Variants in SSTR4 observed in about 807,000 individuals in gnomAD.
SSTR4 encodes the protein somatostatin receptor 4.
For missense variants in SSTR4, 649 were observed against 540.6 expected (o/e 1.20, Z -1.99); for synonymous variants, 272 against 246.3 (o/e 1.10, Z -0.98).
At position 23,036,147 on chromosome 20, in the gene SSTR4, C is replaced by G; in HGVS notation, c.664C>G (p.Leu222Val). The change falls in exon 1 of 1, where the codon CTG (leucine) becomes GTG (valine). Residue 222 changes from leucine to valine, a missense_variant. Leu to Val is a conservative substitution (Grantham distance 32). Transcript: ENST00000255008. ...VVYTFLLGFL[L>V]PVLAIGLCYL... ...CTACACTTTCCTGCTGGGCTTCCTG[C>G]TGCCCGTGCTGGCCATTGGCCTGTG... 1 of 1,607,916 alleles carries G rather than the reference C, an allele frequency of 6.2e-7. No individual in the cohort carries two copies. The highest frequency in any genetic ancestry group is 1.1e-5 in the South Asian group (1 of 91,036).
chr20:23,035,619 G>A lies in SSTR4; in HGVS notation c.136G>A (p.Gly46Ser). Residue 46 changes from glycine to serine, a missense_variant, in exon 1 of 1, where the codon GGC becomes AGC. Coordinates refer to ENST00000255008, the MANE Select transcript of SSTR4 (RefSeq NM_001052.4). Reference sequence around the variant, plus strand: ...GGGGCCCGGGGACGCGCGGGCGGCGGGCATGGTCGCTATCCAGTGCATCTA... The same window carrying A: ...GGGGCCCGGGGACGCGCGGGCGGCGAGCATGGTCGCTATCCAGTGCATCTA... ...VAGPGDARAA[G>S]MVAIQCIYAL... The A allele has an allele frequency of 3.9e-6, 6 of 1,545,520 alleles. No homozygotes were observed. Among genetic ancestry groups the A allele is most frequent in the South Asian group, 1.3e-5 (1 of 79,116 alleles).
chr20:23,036,022 C>G lies in SSTR4; in HGVS notation c.539C>G (p.Pro180Arg). 1 of 1,591,976 alleles carries G rather than the reference C, an allele frequency of 6.3e-7. No individual in the cohort carries two copies. Among genetic ancestry groups the G allele is most frequent in the Middle Eastern group, 1.7e-4 (1 of 5,984 alleles). ...VWLASLLVTL[P>R]IAIFADTRPA... is the part of the protein sequence containing the mutation. Reference sequence around the variant, plus strand: ...CTGGCATCCCTGTTGGTCACTCTCCCCATCGCCATCTTCGCAGACACCAGA... The same window carrying G: ...CTGGCATCCCTGTTGGTCACTCTCCGCATCGCCATCTTCGCAGACACCAGA... The change falls in exon 1 of 1, where the codon CCC (proline) becomes CGC (arginine). Residue 180 changes from proline to arginine, a missense_variant. Pro to Arg is a moderately radical substitution (Grantham distance 103). Coordinates refer to ENST00000255008, the MANE Select transcript of SSTR4 (RefSeq NM_001052.4).
rs72547257 is a variant in SSTR4, at chr20:23,036,269, G to C, written c.786G>C (p.Leu262=). The change falls in exon 1 of 1, where the codon CTG becomes CTC. Residue 262 remains leucine (L), a synonymous_variant. Transcript: ENST00000255008. ...AGAAGAAAATCACCAGGCTGGTGCT[G>C]ATGGTCGTGGTCGTCTTTGTGCTCT... ...RSEKKITRLV[L]MVVVVFVLCW... 1 of 1,614,200 alleles carries C rather than the reference G, an allele frequency of 6.2e-7. No homozygotes were observed. The highest frequency in any genetic ancestry group is 8.5e-7 in the Non-Finnish European group (1 of 1,180,042).
At position 23,037,472 on chromosome 20, in the gene SSTR4, G is replaced by A. The variant is rs6106596; in HGVS notation, c.*822G>A. On this transcript the variant is annotated 3_prime_UTR_variant, in exon 1 of 1. Coordinates refer to ENST00000255008, the MANE Select transcript of SSTR4 (RefSeq NM_001052.4). Reference sequence around the variant, plus strand: ...GGTGAGTGAGAGAGGAGCCATGGGCGGGAAAAGCTGACCAGAGAGCAGCGA... The same window carrying A: ...GGTGAGTGAGAGAGGAGCCATGGGCAGGAAAAGCTGACCAGAGAGCAGCGA... 49,168 of 151,918 alleles carry A rather than the reference G, an allele frequency of 0.32. 8,209 individuals are homozygous for A. The highest frequency in any genetic ancestry group is 0.46 in the Middle Eastern group (136 of 294). 9.4% of individuals were successfully genotyped at this position (151,918 alleles called of 1,614,324 possible). A position where few individuals can be genotyped will look rare whatever the true frequency, so the allele number is the denominator to read the frequency against.
Position 23,036,059 on chromosome 20 carries a change from C to A in SSTR4, c.576C>A (p.Gly192=). ...TCGCAGACACCAGACCGGCTCGCGG[C>A]GGCCAGGCCGTGGCCTGCAACCTGC... The part of the protein sequence containing the change: ...AIFADTRPAR[G]GQAVACNLQW... Residue 192 remains glycine, a synonymous_variant, in exon 1 of 1, where the codon GGC becomes GGA. Transcript: ENST00000255008. 2.5e-6 allele frequency: 4 copies of A among 1,579,060 alleles called. No homozygotes were observed. The highest frequency in any genetic ancestry group is 3.4e-6 in the Non-Finnish European group (4 of 1,169,478).
chr20:23,035,925 G>T lies in SSTR4; in HGVS notation c.442G>T (p.Val148Leu). Residue 148 changes from valine to leucine, a missense_variant, in exon 1 of 1, where the codon GTG (valine) becomes TTG (leucine). Transcript: ENST00000255008. ...GCTCAGCGTGGACCGCTACGTGGCC[G>T]TGGTGCACCCTCTGCGCGCGGCGAC... ...TVLSVDRYVA[V>L]VHPLRAATYR... The T allele has an allele frequency of 6.2e-7, 1 of 1,612,824 alleles. No individual in the cohort carries two copies. Among genetic ancestry groups the T allele is most frequent in the Non-Finnish European group, 8.5e-7 (1 of 1,179,664 alleles).
chr20:23,038,071 AT>A lies in SSTR4; in HGVS notation c.*1422del, dbSNP rs1984374827. 6.6e-6 allele frequency among the ~76,000 whole-genome samples: 1 copy of A among 152,214 alleles called. No individual in the cohort carries two copies. Among genetic ancestry groups the A allele is most frequent in the South Asian group, 2.1e-4 (1 of 4,832 alleles). ...GAACCCTCTGATCCTGCAAACACAC[AT>A]GCACACACACAGAGACATCAACCAT... On this transcript the variant is annotated 3_prime_UTR_variant, in exon 1 of 1. Coordinates refer to ENST00000255008, the MANE Select transcript of SSTR4 (RefSeq NM_001052.4).
Position 23,035,884 on chromosome 20 carries a change from T to C in SSTR4, c.401T>C (p.Val134Ala). The C allele has an allele frequency of 6.2e-7, 1 of 1,612,762 alleles. No individual in the cohort carries two copies. The highest frequency in any genetic ancestry group is 8.5e-7 in the Non-Finnish European group (1 of 1,179,444). Residue 134 changes from valine to alanine, a missense_variant, in exon 1 of 1, where the codon GTC becomes GCC. Physicochemically the swap from Val to Ala is moderately conservative, Grantham distance 64. Coordinates refer to ENST00000255008, the MANE Select transcript of SSTR4 (RefSeq NM_001052.4). ...GACGGCCTCAACATGTTCACCAGCG[T>C]CTTCTGTCTCACCGTGCTCAGCGTG... is the stretch of plus-strand genomic sequence containing the variant. ...SVDGLNMFTS[V>A]FCLTVLSVDR...
At position 23,035,975 on chromosome 20, in the gene SSTR4, G is replaced by T; in HGVS notation, c.492G>T (p.Lys164Asn). ...CCTACCGGCGGCCCAGCGTGGCCAA[G>T]CTCATCAACCTGGGCGTGTGGCTGG... ...AATYRRPSVA[K>N]LINLGVWLAS... The change falls in exon 1 of 1, where the codon AAG becomes AAT. Residue 164 changes from lysine to asparagine, a missense_variant. Transcript: ENST00000255008. 1 of 1,606,038 alleles carries T rather than the reference G, an allele frequency of 6.2e-7. No individual in the cohort carries two copies.
chr20:23,036,274 T>C lies in SSTR4; in HGVS notation c.791T>C (p.Val264Ala), dbSNP rs564802499. ...AAAATCACCAGGCTGGTGCTGATGG[T>C]CGTGGTCGTCTTTGTGCTCTGCTGG... The part of the protein sequence containing the change: ...EKKITRLVLM[V>A]VVVFVLCWMP... Residue 264 changes from valine to alanine, a missense_variant, in exon 1 of 1, where the codon GTC (valine) becomes GCC (alanine). By Grantham distance (64) the Val-to-Ala change is moderately conservative. Transcript: ENST00000255008. 152 of 1,614,026 alleles carry C rather than the reference T, an allele frequency of 9.4e-5. No individual in the cohort carries two copies. Among genetic ancestry groups the C allele is most frequent in the Non-Finnish European group, 1.3e-4 (148 of 1,180,032 alleles).
rs1398339319 is a variant in SSTR4, at chr20:23,038,308, G to A, written c.*1658G>A. ...CCACCCAGGTTGATAGTAGTGAGGT[G>A]AGGGGTTCACAGCACTGGCAGTGGT... On this transcript the variant is annotated 3_prime_UTR_variant, in exon 1 of 1. Coordinates refer to ENST00000255008, the MANE Select transcript of SSTR4 (RefSeq NM_001052.4). 6.6e-6 allele frequency: 1 copy of A among 152,192 alleles called. No homozygotes were observed. Among genetic ancestry groups the A allele is most frequent in the East Asian group, 1.9e-4 (1 of 5,186 alleles). 9.4% of individuals were successfully genotyped at this position (152,192 alleles called of 1,614,324 possible).
rs750013126 is a variant in SSTR4, at chr20:23,035,602, G to A, written c.119G>A (p.Gly40Glu). 1.9e-6 allele frequency: 3 copies of A among 1,552,144 alleles called. No individual in the cohort carries two copies. The Admixed American group carries it at 6.0e-5, about 31-fold the overall frequency. ...AEAEEAVAGP[G>E]DARAAGMVAI... ...GCGGAGGAGGCGGTGGCGGGGCCCG[G>A]GGACGCGCGGGCGGCGGGCATGGTC... The change falls in exon 1 of 1, where the codon GGG becomes GAG. Residue 40 changes from glycine (G) to glutamate (E), a missense_variant. Gly to Glu is a moderately conservative substitution (Grantham distance 98, BLOSUM62 -2). Transcript: ENST00000255008.
At position 23,036,468 on chromosome 20, in the gene SSTR4, C is replaced by T. The variant is rs760189136; in HGVS notation, c.985C>T (p.Arg329Cys). ...ATTCTTCCAGCGGGTTCTCTGCCTG[C>T]GCTGCTGCCTCCTGGAAGGTGCTGG... is the stretch of plus-strand genomic sequence containing the variant. ...RRFFQRVLCL[R>C]CCLLEGAGGA... is the part of the protein sequence containing the mutation. The change falls in exon 1 of 1, where the codon CGC becomes TGC. Residue 329 changes from arginine (R) to cysteine (C), a missense_variant. Coordinates refer to ENST00000255008, the MANE Select transcript of SSTR4 (RefSeq NM_001052.4). The T allele has an allele frequency of 4.3e-6, 7 of 1,613,688 alleles. No homozygotes were observed. Among genetic ancestry groups the T allele is most frequent in the South Asian group, 1.1e-5 (1 of 91,014 alleles).
In SSTR4 at chr20:23,035,516, C is replaced by T. The variant is rs1984275638; in HGVS notation, c.33C>T (p.Gly11=). 2 of 1,570,176 alleles carry T rather than the reference C, an allele frequency of 1.3e-6. No homozygotes were observed. The highest frequency in any genetic ancestry group is 1.7e-6 in the Non-Finnish European group (2 of 1,163,644). Residue 11 remains glycine (G), a synonymous_variant, in exon 1 of 1, where the codon GGC becomes GGT. Coordinates refer to ENST00000255008, the MANE Select transcript of SSTR4 (RefSeq NM_001052.4). MSAPSTLPPG[G]EEGLGTAWPS... Reference sequence around the variant, plus strand: ...CCCCCTCGACGCTGCCCCCCGGGGGCGAGGAAGGGCTGGGGACGGCCTGGC... The same window carrying T: ...CCCCCTCGACGCTGCCCCCCGGGGGTGAGGAAGGGCTGGGGACGGCCTGGC...
chr20:23,036,031 T>A lies in SSTR4; in HGVS notation c.548T>A (p.Ile183Asn), dbSNP rs993390363. 2 of 1,591,402 alleles carry A rather than the reference T, an allele frequency of 1.3e-6. No individual in the cohort carries two copies. Among genetic ancestry groups the A allele is most frequent in the Non-Finnish European group, 1.7e-6 (2 of 1,173,802 alleles). ...CTGTTGGTCACTCTCCCCATCGCCA[T>A]CTTCGCAGACACCAGACCGGCTCGC... ...ASLLVTLPIAIFADTRPARGG... is the reference protein window; with the variant it reads ...ASLLVTLPIANFADTRPARGG... The change falls in exon 1 of 1, where the codon ATC becomes AAC. Residue 183 changes from isoleucine (I) to asparagine (N), a missense_variant. Coordinates refer to ENST00000255008, the MANE Select transcript of SSTR4 (RefSeq NM_001052.4).
rs965077763 is a variant in SSTR4, at chr20:23,036,378, C to T, written c.895C>T (p.Leu299Phe). The T allele has an allele frequency of 1.9e-6, 3 of 1,614,038 alleles. No homozygotes were observed. In the African/African-American group the frequency reaches 4.0e-5, roughly 22 times the overall value. ...DATVNHVSLI[L>F]SYANSCANPI... ...CACCGTCAACCACGTGTCCCTTATC[C>T]TTAGCTATGCCAACAGCTGCGCCAA... Residue 299 changes from leucine (L) to phenylalanine (F), a missense_variant, in exon 1 of 1, where the codon CTT becomes TTT. By Grantham distance (22) the Leu-to-Phe change is conservative. Coordinates refer to ENST00000255008, the MANE Select transcript of SSTR4 (RefSeq NM_001052.4).
chr20:23,035,443 G>T lies in SSTR4; in HGVS notation c.-41G>T. 1.5e-6 allele frequency: 2 copies of T among 1,355,762 alleles called. No homozygotes were observed. The highest frequency in any genetic ancestry group is 1.9e-6 in the Non-Finnish European group (2 of 1,060,150). The allele number at this position is 1,355,762 out of a possible 1,614,324, so 84.0% of individuals were successfully genotyped here. ...GCCCGAGCTCTCTGGCGCAGCGCTA[G>T]CTCCGCCGCGCTCAGCTGCCCTGCG... is the stretch of plus-strand genomic sequence containing the variant. On this transcript the variant is annotated 5_prime_UTR_variant, in exon 1 of 1. Coordinates refer to ENST00000255008, the MANE Select transcript of SSTR4 (RefSeq NM_001052.4).
In SSTR4 at chr20:23,037,366, C is replaced by A. The variant is rs1984358315; in HGVS notation, c.*716C>A. On this transcript the variant is annotated 3_prime_UTR_variant, in exon 1 of 1. Coordinates refer to ENST00000255008, the MANE Select transcript of SSTR4 (RefSeq NM_001052.4). ...AGCAGATGATAAAAACTTCATCTAGCTCCTATGATGTAATTTTTTTTCCCT... is the reference window on the plus strand; with the variant it reads ...AGCAGATGATAAAAACTTCATCTAGATCCTATGATGTAATTTTTTTTCCCT... 1 of 152,158 alleles carries A rather than the reference C, an allele frequency of 6.6e-6. No homozygotes were observed. The highest frequency in any genetic ancestry group is 2.1e-4 in the South Asian group (1 of 4,828). The allele number at this position is 152,158 out of a possible 1,614,324, so 9.4% of individuals were successfully genotyped here. A position where few individuals can be genotyped will look rare whatever the true frequency, so the allele number is the denominator to read the frequency against.
chr20:23,036,173 C>G lies in SSTR4; in HGVS notation c.690C>G (p.Cys230Trp), dbSNP rs1455939317. The change falls in exon 1 of 1, where the codon TGC (cysteine) becomes TGG (tryptophan). Residue 230 changes from cysteine to tryptophan, a missense_variant. Physicochemically the swap from Cys to Trp is radical, Grantham distance 215. Transcript: ENST00000255008. ...TGCCCGTGCTGGCCATTGGCCTGTG[C>G]TACCTGCTCATCGTGGGCAAGATGC... ...FLLPVLAIGL[C>W]YLLIVGKMRA... The G allele has an allele frequency of 1.9e-6, 3 of 1,610,666 alleles. No individual in the cohort carries two copies. In the South Asian group the frequency reaches 3.3e-5, roughly 18 times the overall value.
Sources: allele counts gnomAD v4.1 joint callset (sites outside exome capture counted in the v4.1 genomes callset), GRCh38; gene constraint gnomAD v4.1.1; transcripts MANE v1.5; gene names NCBI Gene and HGNC (gene_info 2026-07-23, HGNC 2026-07-21).